CELF4: variants seen among roughly 807,000 people sequenced by gnomAD.
CELF4 encodes CUG-BP- and ETR-3-like factor 4.
In CELF4, 18 loss-of-function variants were observed where a neutral mutation model predicts 59.9. The ratio of observed to expected loss-of-function variants is 0.30; its 90% CI spans 0.21 to 0.45. CELF4 has a LOEUF of 0.45. CELF4 is among the 20% of genes least tolerant of loss of function. The pLI is 1.00. For missense variants in CELF4, 456 were observed against 689.0 expected (o/e 0.66, Z 3.79); for synonymous variants, 261 against 267.1 (o/e 0.98, Z 0.22).
chr18:37,433,719 G>A (rs994182934), intron 2 of CELF4, among the ~76,000 whole-genome samples: 10 of 152,176 alleles, frequency 6.6e-5, no homozygotes, highest in African/African-American at 1.9e-4. Flanking sequence ...CGGGGAGAAG[G>A]TTCTGAGAGT....
chr18:37,467,474 C>T (rs1056051885), intron 2 of CELF4, among the ~76,000 whole-genome samples: 2 of 152,106 alleles, frequency 1.3e-5, no homozygotes, highest in African/African-American at 2.4e-5. Context: ...ATGGGAGCCA[C>T]GCACTTGGGA....
At chr18:37,540,566 G>A (rs1040401645) in intron 1 of CELF4, among the ~76,000 whole-genome samples, 1 of 152,188 alleles carries the variant, frequency 6.6e-6, no homozygotes, top group Non-Finnish European at 1.5e-5. Context: ...GGGCAAGCTG[G>A]GTGGGAAGGC....
intron 6 of CELF4, 129 bp downstream of exon 6, chr18:37,274,182 T>G: frequency 1.3e-6 from 2 of 1,504,728 alleles, no homozygotes; most frequent in Non-Finnish European, 1.8e-6. Context: ...ATGGGTTCAT[T>G]CCCGGCCCCT....
Position 37,382,690 on chromosome 18 carries a change from G to A in CELF4, c.370-60809C>T, listed in dbSNP as rs116133417. On this transcript the variant is annotated intron_variant, in intron 2 of 12. Coordinates refer to ENST00000420428, the MANE Select transcript of CELF4 (RefSeq NM_020180.4). The stretch of plus-strand genomic sequence containing the variant: ...ACACAAATGAACACAGAACTGAGAA[G>A]TAGGTCATGAAGGCCCTTAGGGTTT... Among the ~76,000 whole-genome samples the A allele has an allele frequency of 5.3e-3, 810 of 152,336 alleles. 10 individuals are homozygous for A. The highest frequency in any genetic ancestry group is 0.019 in the African/African-American group (770 of 41,586).
intron 1 of CELF4, among the ~76,000 whole-genome samples, chr18:37,535,981 C>A (rs1172001520): frequency 6.6e-6 from 1 of 152,176 alleles, no homozygotes; most frequent in East Asian, 1.9e-4. Flanking sequence ...CCTCCCCACG[C>A]CCCTGCACAT....
intron 3 of CELF4, among the ~76,000 whole-genome samples, chr18:37,301,420 C>T (rs982271174): frequency 2.6e-5 from 4 of 152,198 alleles, no homozygotes; most frequent in African/African-American, 7.2e-5. Context: ...CCAGCATACC[C>T]GGCAAAGATG....
At chr18:37,525,416 G>A (rs979924943) in intron 1 of CELF4, among the ~76,000 whole-genome samples, 1 of 152,230 alleles carries the variant, frequency 6.6e-6, no homozygotes, top group African/African-American at 2.4e-5. Flanking sequence ...GGCGCCCTTC[G>A]GGGTGGCCTT....
chr18:37,490,938 T>G (rs958434819), intron 1 of CELF4, among the ~76,000 whole-genome samples: 2 of 152,026 alleles, frequency 1.3e-5, no homozygotes, highest in Non-Finnish European at 2.9e-5. Context: ...GCGCTTTCTG[T>G]CCCACCTCTT....
At chr18:37,272,572 GAAAAAAA>G (rs397692958) in intron 7 of CELF4, among the ~76,000 whole-genome samples, 5 of 104,950 alleles carry the variant, frequency 4.8e-5, no homozygotes, top group African/African-American at 1.1e-4. Context: ...AAAGGGAAAT[GAAAAAAA>G]AAAAAAAAAA....
At chr18:37,498,023 C>G (rs1355214562) in intron 1 of CELF4, among the ~76,000 whole-genome samples, 2 of 152,110 alleles carry the variant, frequency 1.3e-5, no homozygotes, top group Non-Finnish European at 2.9e-5. Flanking sequence ...GACTCTGCAG[C>G]CTTGAGAAGG....
At position 37,424,286 on chromosome 18, in the gene CELF4, C is replaced by A. The variant is rs542376158; in HGVS notation, c.369+61239G>T. On this transcript the variant is annotated intron_variant, in intron 2 of 12. Coordinates refer to ENST00000420428, the MANE Select transcript of CELF4 (RefSeq NM_020180.4). Reference sequence around the variant, plus strand: ...CTGAATGACAAGATCTCTATGCAGGCGTATGGAGCCAAGGAGAGGTGGGCT... The same window carrying A: ...CTGAATGACAAGATCTCTATGCAGGAGTATGGAGCCAAGGAGAGGTGGGCT... 4.4e-4 allele frequency among the ~76,000 whole-genome samples: 67 copies of A among 152,114 alleles called. No individual in the cohort carries two copies. In the South Asian group the frequency reaches 8.7e-3, roughly 20 times the overall value.
intron 2 of CELF4, among the ~76,000 whole-genome samples, chr18:37,351,440 C>A (rs938415983): frequency 1.3e-5 from 2 of 152,144 alleles, no homozygotes; most frequent in Admixed American, 1.3e-4. Context: ...CTCTACCTGC[C>A]CTGAACCTAC....
At chr18:37,414,481 C>A (rs2099509778) in intron 2 of CELF4, among the ~76,000 whole-genome samples, 2 of 147,386 alleles carry the variant, frequency 1.4e-5, no homozygotes, top group African/African-American at 2.5e-5. Flanking sequence ...TACCCATCTA[C>A]TCATTTTTTT....
intron 1 of CELF4, among the ~76,000 whole-genome samples, chr18:37,517,379 G>A (rs1185706720): frequency 6.6e-6 from 1 of 152,102 alleles, no homozygotes; most frequent in Non-Finnish European, 1.5e-5. Context: ...GGCATATGGT[G>A]ATGTGGTTCC....
intron 2 of CELF4, among the ~76,000 whole-genome samples, chr18:37,478,744 G>A (rs768962862): frequency 7.2e-5 from 11 of 152,244 alleles, no homozygotes; most frequent in Admixed American, 1.3e-4. Context: ...CATCACAGAT[G>A]TAGCCCCTAT....
intron 1 of CELF4, among the ~76,000 whole-genome samples, chr18:37,513,859 C>G (rs1044075279): frequency 6.6e-6 from 1 of 152,158 alleles, no homozygotes; most frequent in Non-Finnish European, 1.5e-5. Flanking sequence ...CCAGCAGTTA[C>G]AGTCCTAACT....
chr18:37,259,077 G>T, intron 11 of CELF4, 104 bp downstream of exon 11: 1 of 1,573,688 alleles, frequency 6.4e-7, no homozygotes, highest in Non-Finnish European at 8.6e-7. Context: ...TGCGAGCACC[G>T]CCCTGTCCTA....
intron 6 of CELF4, chr18:37,273,396 C>T: frequency 7.9e-7 from 1 of 1,272,972 alleles, no homozygotes; most frequent in Non-Finnish European, 9.9e-7. Flanking sequence ...GTCTTTGGAA[C>T]TCCAAAGTTG....
intron 1 of CELF4, among the ~76,000 whole-genome samples, chr18:37,490,097 A>G (rs2154603409): frequency 6.6e-6 from 1 of 152,368 alleles, no homozygotes; most frequent in African/African-American, 2.4e-5. Flanking sequence ...AAAGACCCTC[A>G]ATGTACCAGC....
Sources: gnomAD v4.1 joint callset for allele counts (sites outside exome capture counted in the v4.1 genomes callset) on GRCh38, gnomAD v4.1.1 for gene constraint, MANE v1.5 for transcripts, NCBI Gene and HGNC (gene_info 2026-07-23, HGNC 2026-07-21) for gene names.